Variants in SNTB1 observed in about 807,000 individuals in gnomAD.
SNTB1 encodes syntrophin beta 1.
Under a neutral mutation model 48.9 loss-of-function variants are expected in SNTB1, and 36 were observed. The observed-to-expected ratio is 0.74, with a 90% CI of 0.56 to 0.97. The LOEUF (loss-of-function observed/expected upper bound fraction) is 0.97, where lower values mean the gene tolerates loss of function less well. Among genes scored for constraint, SNTB1 ranks in the 50% least tolerant of loss-of-function variants. The probability of loss-of-function intolerance (pLI) is 0.00; values close to 1 mark genes in which losing one functional copy is unlikely to be tolerated. For synonymous variants in SNTB1, 299 were observed against 294.6 expected (o/e 1.01, Z -0.15); for missense variants, 786 against 703.4 (o/e 1.12, Z -1.33).
At chr8:120,668,634 A>T (rs1280789530) in intron 2 of SNTB1, among the ~76,000 whole-genome samples, 7 of 152,224 alleles carry the variant, frequency 4.6e-5, no homozygotes, top group African/African-American at 1.7e-4. Flanking sequence ...TATTCCTGGC[A>T]TCAGTTTACA....
chr8:120,619,161 C>A (rs1282957662), intron 3 of SNTB1, among the ~76,000 whole-genome samples: 2 of 152,046 alleles, frequency 1.3e-5, no homozygotes, highest in African/African-American at 2.4e-5. Context: ...ATTGAAAGAT[C>A]ATTTTTATAC....
intron 1 of SNTB1, among the ~76,000 whole-genome samples, chr8:120,788,226 G>T (rs1819960172): frequency 6.6e-6 from 1 of 152,074 alleles, no homozygotes; most frequent in Non-Finnish European, 1.5e-5. Context: ...ATACTAAAAG[G>T]AGTTCTAAAT....
At chr8:120,692,830 T>C (rs1049771011) in intron 2 of SNTB1, among the ~76,000 whole-genome samples, 4 of 152,216 alleles carry the variant, frequency 2.6e-5, no homozygotes, top group Non-Finnish European at 5.9e-5. Flanking sequence ...ATAAGAAATA[T>C]TACTATTGCT....
intron 2 of SNTB1, among the ~76,000 whole-genome samples, chr8:120,662,028 C>T (rs910850216): frequency 6.6e-6 from 1 of 151,972 alleles, no homozygotes; most frequent in Non-Finnish European, 1.5e-5. Flanking sequence ...GTAGATATTT[C>T]ACTGTCAAGG....
chr8:120,600,604 C>T (rs1816406465), intron 3 of SNTB1, among the ~76,000 whole-genome samples: 1 of 152,144 alleles, frequency 6.6e-6, no homozygotes, highest in South Asian at 2.1e-4. Context: ...CAATAGGTAG[C>T]TGGAATTCCT....
intron 2 of SNTB1, among the ~76,000 whole-genome samples, chr8:120,652,836 G>C (rs1817430976): frequency 6.6e-6 from 1 of 152,038 alleles, no homozygotes; most frequent in Non-Finnish European, 1.5e-5. Context: ...CAGTAAATGG[G>C]GGAAAAAACT....
intron 1 of SNTB1, among the ~76,000 whole-genome samples, chr8:120,773,751 T>C (rs1819681076): frequency 6.6e-6 from 1 of 152,226 alleles, no homozygotes; most frequent in South Asian, 2.1e-4. Flanking sequence ...CCAAGCACCC[T>C]ATCAAGTAGG....
intron 3 of SNTB1, among the ~76,000 whole-genome samples, chr8:120,614,824 T>G (rs1410788712): frequency 6.6e-6 from 1 of 151,914 alleles, no homozygotes; most frequent in Non-Finnish European, 1.5e-5. Context: ...TTACTTCCCA[T>G]AAGCCATGAA....
At chr8:120,653,932 G>T (rs562209362) in intron 2 of SNTB1, among the ~76,000 whole-genome samples, 2 of 150,876 alleles carry the variant, frequency 1.3e-5, no homozygotes, top group Non-Finnish European at 3.0e-5. Context: ...CCAGCTACTC[G>T]GGGGGTCTGA....
chr8:120,615,418 A>C (rs1336393160), intron 3 of SNTB1, among the ~76,000 whole-genome samples: 1 of 152,170 alleles, frequency 6.6e-6, no homozygotes, highest in Non-Finnish European at 1.5e-5. Flanking sequence ...TCAACAGCAC[A>C]CACTGAGCAC....
chr8:120,539,449 T>A (rs1815250539), intron 6 of SNTB1, among the ~76,000 whole-genome samples: 1 of 152,230 alleles, frequency 6.6e-6, no homozygotes, highest in Non-Finnish European at 1.5e-5. Context: ...AGCTACTATA[T>A]GTAAAACCTC....
At chr8:120,662,549 T>G (rs976246622) in intron 2 of SNTB1, among the ~76,000 whole-genome samples, 28 of 151,842 alleles carry the variant, frequency 1.8e-4, no homozygotes, top group Non-Finnish European at 2.1e-4. Flanking sequence ...GTGCATGGGG[T>G]GGGTTGGGAG....
At chr8:120,627,249 T>C (rs1816898160) in intron 3 of SNTB1, among the ~76,000 whole-genome samples, 1 of 152,242 alleles carries the variant, frequency 6.6e-6, no homozygotes, top group Non-Finnish European at 1.5e-5. Context: ...TATGCCTTGG[T>C]AGCAGAAATT....
intron 1 of SNTB1, among the ~76,000 whole-genome samples, chr8:120,786,871 G>C (rs764221416): frequency 6.6e-6 from 1 of 152,154 alleles, no homozygotes; most frequent in Non-Finnish European, 1.5e-5. Context: ...TTTAGCCACT[G>C]CCAGATTTTA....
intron 4 of SNTB1, among the ~76,000 whole-genome samples, chr8:120,558,693 G>A (rs988996685): frequency 6.6e-6 from 1 of 152,142 alleles, no homozygotes; most frequent in African/African-American, 2.4e-5. Context: ...TGTGACCTTG[G>A]CAAGTTTCTT....
intron 2 of SNTB1, among the ~76,000 whole-genome samples, chr8:120,691,847 C>G (rs538112765): frequency 6.6e-6 from 1 of 152,324 alleles, no homozygotes; most frequent in South Asian, 2.1e-4. Flanking sequence ...GCACTCAATA[C>G]TACATCATGA....
At position 120,631,059 on chromosome 8, in the gene SNTB1, G is replaced by C. The variant is rs527847201; in HGVS notation, c.996+1385C>G. Among the ~76,000 whole-genome samples the C allele has an allele frequency of 4.6e-5, 7 of 152,304 alleles. No homozygotes were observed. The East Asian group carries it at 5.8e-4, about 13-fold the overall frequency. ...ATTGCAGTTATCAGAACCCGGGCAT[G>C]CTCATTTTGCTCAAGCTAAATTGAG... On this transcript the variant is annotated intron_variant, in intron 3 of 6. Transcript: ENST00000517992.
chr8:120,555,686 T>C (rs1815555188), intron 4 of SNTB1, among the ~76,000 whole-genome samples: 1 of 152,200 alleles, frequency 6.6e-6, no homozygotes, highest in Non-Finnish European at 1.5e-5. Flanking sequence ...AGGACTCCCA[T>C]GCCCTTGCTA....
intron 2 of SNTB1, among the ~76,000 whole-genome samples, chr8:120,649,686 G>A (rs1817372740): frequency 6.6e-6 from 1 of 151,600 alleles, no homozygotes; most frequent in Non-Finnish European, 1.5e-5. Flanking sequence ...GAGCTGTGGT[G>A]GGCTCCACCC....
Sources: gnomAD v4.1 joint callset for allele counts (sites outside exome capture counted in the v4.1 genomes callset) on GRCh38, gnomAD v4.1.1 for gene constraint, MANE v1.5 for transcripts, NCBI Gene and HGNC (gene_info 2026-07-23, HGNC 2026-07-21) for gene names.